PLAAT3: variants seen among roughly 807,000 people sequenced by gnomAD.
The protein encoded by PLAAT3 is phospholipase A and acyltransferase 3.
In PLAAT3, 21 loss-of-function variants were observed where a neutral mutation model predicts 16.7. The ratio of observed to expected loss-of-function variants is 1.26; its 90% CI spans 0.89 to 1.81. The LOEUF (loss-of-function observed/expected upper bound fraction) is 1.81, where lower values mean the gene tolerates loss of function less well. Ranked by LOEUF, PLAAT3 falls within the 40% of genes most tolerant of loss-of-function variation. The pLI is 0.00. For synonymous variants in PLAAT3, 76 were observed against 81.7 expected (o/e 0.93, Z 0.38); for missense variants, 219 against 213.7 (o/e 1.02, Z -0.16).
chr11:63,606,114 G>A (rs1938551616), intron 2 of PLAAT3, among the ~76,000 whole-genome samples: 1 of 152,092 alleles, frequency 6.6e-6, no homozygotes, highest in African/African-American at 2.4e-5. Flanking sequence ...GGTGTAAGCG[G>A]CCAACGACAC....
intron 2 of PLAAT3, among the ~76,000 whole-genome samples, 182 bp downstream of exon 2, chr11:63,613,818 A>G (rs899377940): frequency 6.6e-6 from 1 of 152,242 alleles, no homozygotes; most frequent in African/African-American, 2.4e-5. Flanking sequence ...ACGCGCCGAG[A>G]CAACTCCCAA....
At chr11:63,590,397 G>C in intron 3 of PLAAT3, 29 bp from the exon 4 acceptor site, 1 of 1,608,972 alleles carries the variant, frequency 6.2e-7, no homozygotes, top group Non-Finnish European at 8.5e-7. Context: ...GAAACAGAGG[G>C]ATTGGTCCTG....
At chr11:63,591,856 C>A (rs1383256795) in intron 3 of PLAAT3, among the ~76,000 whole-genome samples, 2 of 152,194 alleles carry the variant, frequency 1.3e-5, no homozygotes, top group African/African-American at 2.4e-5. Context: ...TGGGTGACAG[C>A]GCAGGGACTC....
rs1425770306 is a variant in PLAAT3, at chr11:63,590,015, T to A, written c.387+85A>T. On this transcript the variant is annotated intron_variant, in intron 4 of 4. Transcript: ENST00000415826. ...TTCTGTCTCTGCTATTTTGTCTTGTTCATGCCTCCATAGCCATGCCCAGCC... is the reference window on the plus strand; with the variant it reads ...TTCTGTCTCTGCTATTTTGTCTTGTACATGCCTCCATAGCCATGCCCAGCC... 7 of 1,328,718 alleles carry A rather than the reference T, an allele frequency of 5.3e-6. No homozygotes were observed. In the East Asian group the frequency reaches 1.6e-4, roughly 31 times the overall value. 82.3% of individuals were successfully genotyped at this position (1,328,718 alleles called of 1,614,324 possible).
At chr11:63,592,731 A>G (rs578170454) in intron 3 of PLAAT3, among the ~76,000 whole-genome samples, 206 of 152,276 alleles carry the variant, frequency 1.4e-3, no homozygotes, top group Middle Eastern at 6.8e-3. Flanking sequence ...TGTAGGATAG[A>G]AACAAAAATA....
At chr11:63,611,498 T>G (rs1397464908) in intron 2 of PLAAT3, among the ~76,000 whole-genome samples, 1 of 152,206 alleles carries the variant, frequency 6.6e-6, no homozygotes, top group African/African-American at 2.4e-5. Context: ...AACTTTTGTC[T>G]TCTACAAGTT....
upstream of PLAAT3, among the ~76,000 whole-genome samples, chr11:63,615,334 GTGTGTATATATGTGTGTATATATA>G (rs1938841954): frequency 1.6e-4 from 2 of 12,148 alleles, 1 homozygote; most frequent in African/African-American, 1.8e-4. Context: ...GTGTATATAT[GTGTGTATATATGTGTGTATATATA>G]TGTGTGCATA....
In PLAAT3 at chr11:63,575,000, G is replaced by A; in HGVS notation, c.434C>T (p.Ala145Val). Residue 145 changes from alanine (A) to valine (V), a missense_variant, in exon 5 of 5, where the codon GCA becomes GTA. Physicochemically the swap from Ala to Val is moderately conservative, Grantham distance 64. Transcript: ENST00000415826. ...CATGACTCCAATAAGGCTCATGGCT[G>A]CCAAGCCCATTCCTGCAACGCTTGC... is the stretch of plus-strand genomic sequence containing the variant. ...IAASVAGMGL[A>V]AMSLIGVMFS... 1 of 1,613,358 alleles carries A rather than the reference G, an allele frequency of 6.2e-7. No homozygotes were observed. The highest frequency in any genetic ancestry group is 8.5e-7 in the Non-Finnish European group (1 of 1,179,290).
intron 4 of PLAAT3, among the ~76,000 whole-genome samples, chr11:63,580,070 G>A (rs1252821260): frequency 6.6e-6 from 1 of 152,038 alleles, no homozygotes; most frequent in African/African-American, 2.4e-5. Context: ...TGCTGAAAAT[G>A]GTTCCCCAAA....
At chr11:63,602,065 A>G (rs1565254878) in intron 2 of PLAAT3, among the ~76,000 whole-genome samples, 3 of 151,754 alleles carry the variant, frequency 2.0e-5, no homozygotes. Flanking sequence ...AGGCAGGCAG[A>G]TCACGTGAAG....
chr11:63,614,205 A>C, intron 1 of PLAAT3, 137 bp from the exon 2 acceptor site: 2 of 690,556 alleles, frequency 2.9e-6, no homozygotes, highest in Non-Finnish European at 2.4e-6. Context: ...GCTCCCTTTA[A>C]CAACTTTCTC....
chr11:63,614,264 T>A, intron 1 of PLAAT3, 121 bp downstream of exon 1: 1 of 580,426 alleles, frequency 1.7e-6, no homozygotes, highest in Non-Finnish European at 3.1e-6. Context: ...AGCGGGCGGC[T>A]CGGCAGGCTA....
chr11:63,576,122 T>C (rs1301929757), intron 4 of PLAAT3, among the ~76,000 whole-genome samples: 2 of 152,082 alleles, frequency 1.3e-5, no homozygotes, highest in Non-Finnish European at 2.9e-5. Flanking sequence ...CCAGAAGACT[T>C]TTCTGGGGAA....
At chr11:63,599,117 T>C (rs1021460325) in intron 2 of PLAAT3, among the ~76,000 whole-genome samples, 1 of 152,134 alleles carries the variant, frequency 6.6e-6, no homozygotes, top group Non-Finnish European at 1.5e-5. Flanking sequence ...CGACTCTCAC[T>C]AGAATCAGGG....
In PLAAT3 at chr11:63,574,778, C is replaced by G; in HGVS notation, c.*167G>C. 1.7e-6 allele frequency: 1 copy of G among 601,524 alleles called. No homozygotes were observed. The highest frequency in any genetic ancestry group is 3.0e-6 in the Non-Finnish European group (1 of 334,536). The allele number at this position is 601,524 out of a possible 1,614,324, so 37.3% of individuals were successfully genotyped here. A position where few individuals can be genotyped will look rare whatever the true frequency, so the allele number is the denominator to read the frequency against. ...CAGACTTCACACCAGGCAGTTCTTGCTGCACTTCCCCCAATAAAATCCTCC... is the reference window on the plus strand; with the variant it reads ...CAGACTTCACACCAGGCAGTTCTTGGTGCACTTCCCCCAATAAAATCCTCC... On this transcript the variant is annotated 3_prime_UTR_variant, in exon 5 of 5. Transcript: ENST00000415826.
intron 2 of PLAAT3, among the ~76,000 whole-genome samples, chr11:63,602,597 T>TA (rs1369508798): frequency 1.3e-5 from 2 of 151,970 alleles, no homozygotes; most frequent in East Asian, 1.9e-4. Flanking sequence ...TTTTTTTTTT[T>TA]AATGCTTGGG....
intron 4 of PLAAT3, among the ~76,000 whole-genome samples, chr11:63,576,262 C>T (rs1315510381): frequency 6.6e-6 from 1 of 152,154 alleles, no homozygotes; most frequent in Non-Finnish European, 1.5e-5. Context: ...TCACTCAGAG[C>T]TCCATCCAGT....
intron 3 of PLAAT3, among the ~76,000 whole-genome samples, chr11:63,596,979 C>T (rs1429824223): frequency 6.6e-6 from 1 of 151,902 alleles, no homozygotes; most frequent in East Asian, 1.9e-4. Context: ...GCCTGTAATC[C>T]CAGCTACTCG....
upstream of PLAAT3, among the ~76,000 whole-genome samples, chr11:63,615,246 ATG>A (rs369549670): frequency 0.049 from 1,405 of 28,438 alleles, 373 homozygotes; most frequent in African/African-American, 0.094. Context: ...ATGTGTATAT[ATG>A]TGTGTGTATA....
Sources: gnomAD v4.1 joint callset for allele counts (sites outside exome capture counted in the v4.1 genomes callset) on GRCh38, gnomAD v4.1.1 for gene constraint, MANE v1.5 for transcripts, NCBI Gene and HGNC (gene_info 2026-07-23, HGNC 2026-07-21) for gene names.